The following PGCKA1 variants were observed in gnomAD, a reference collection of about 807,000 sequenced individuals.
PGCKA1 encodes the protein PDCD10 and GCKIII kinases associated 1.
At chr4:37,518,842 T>C in the PGCKA1 span, among the ~76,000 whole-genome samples, 30,992 of 152,164 alleles carry the variant, frequency 0.2, 3,908 homozygotes, top group African/African-American at 0.35. Flanking sequence ...AACATTTTTG[T>C]CCAGACCAAT....
chr4:37,510,636 CT>C, the PGCKA1 span, among the ~76,000 whole-genome samples: 17,921 of 152,030 alleles, frequency 0.12, 1,193 homozygotes, highest in East Asian at 0.33. Flanking sequence ...ACCACTACCA[CT>C]AGGACTGCAC....
chr4:37,537,085 T>A, the PGCKA1 span, among the ~76,000 whole-genome samples: 37 of 152,370 alleles, frequency 2.4e-4, no homozygotes, highest in African/African-American at 8.7e-4. Flanking sequence ...AATTGATTGC[T>A]TGACCTGTGC....
chr4:37,467,510 T>C, the PGCKA1 span, among the ~76,000 whole-genome samples: 1 of 152,196 alleles, frequency 6.6e-6, no homozygotes, highest in African/African-American at 2.4e-5. Context: ...ATCTTCTAGA[T>C]TGTTAGAGCC....
At chr4:37,531,321 G>A in the PGCKA1 span, among the ~76,000 whole-genome samples, 3 of 152,162 alleles carry the variant, frequency 2.0e-5, no homozygotes, top group Non-Finnish European at 1.5e-5. Context: ...GTTAGTACTC[G>A]CTGGAAACTT....
the PGCKA1 span, among the ~76,000 whole-genome samples, chr4:37,493,417 C>T: frequency 9.9e-5 from 15 of 152,226 alleles, no homozygotes; most frequent in East Asian, 1.9e-3. Flanking sequence ...TTTATGATCA[C>T]GTTAGGCTTA....
the PGCKA1 span, among the ~76,000 whole-genome samples, chr4:37,526,024 A>G: frequency 2.0e-5 from 3 of 152,200 alleles, no homozygotes; most frequent in African/African-American, 7.2e-5. Context: ...ATAAACAAAA[A>G]TCTACATTTG....
chr4:37,470,328 A>T, the PGCKA1 span, among the ~76,000 whole-genome samples: 2 of 152,206 alleles, frequency 1.3e-5, no homozygotes, highest in African/African-American at 4.8e-5. Flanking sequence ...TGTGTTTCTG[A>T]TAAAGGTACA....
the PGCKA1 span, among the ~76,000 whole-genome samples, chr4:37,455,327 A>G: frequency 1.3e-5 from 2 of 152,232 alleles, no homozygotes; most frequent in Non-Finnish European, 2.9e-5. Context: ...AACAAGGTAC[A>G]TAATTGAAAC....
chr4:37,509,674 T>C, the PGCKA1 span, among the ~76,000 whole-genome samples: 58 of 150,948 alleles, frequency 3.8e-4, 1 homozygote, highest in Non-Finnish European at 8.0e-4. Flanking sequence ...CTGGGCAACA[T>C]TGAGCACTGA....
the PGCKA1 span, among the ~76,000 whole-genome samples, chr4:37,548,554 GTC>G: frequency 6.6e-6 from 1 of 151,986 alleles, no homozygotes; most frequent in Non-Finnish European, 1.5e-5. Flanking sequence ...AAAAAAAAGA[GTC>G]TATAAAATCT....
the PGCKA1 span, among the ~76,000 whole-genome samples, chr4:37,463,810 CAA>C: frequency 3.9e-5 from 5 of 128,228 alleles, no homozygotes; most frequent in African/African-American, 5.7e-5. Context: ...TTTATATAAC[CAA>C]AAAAAAAAAA....
At chr4:37,503,909 T>A in the PGCKA1 span, among the ~76,000 whole-genome samples, 2 of 152,254 alleles carry the variant, frequency 1.3e-5, no homozygotes, top group Non-Finnish European at 2.9e-5. Flanking sequence ...GTGGGTTGTC[T>A]CTTCCCTTTG....
chr4:37,503,325 T>C, the PGCKA1 span, among the ~76,000 whole-genome samples: 1 of 152,198 alleles, frequency 6.6e-6, no homozygotes, highest in Non-Finnish European at 1.5e-5. Flanking sequence ...GGCTTCAGTG[T>C]CTTCCTTCCA....
the PGCKA1 span, among the ~76,000 whole-genome samples, chr4:37,573,837 G>A: frequency 1.3e-5 from 2 of 152,150 alleles, no homozygotes; most frequent in Non-Finnish European, 1.5e-5. Context: ...TCTCCTACCA[G>A]TAGTAAATGA....
the PGCKA1 span, among the ~76,000 whole-genome samples, chr4:37,589,117 A>T: frequency 6.6e-6 from 1 of 152,184 alleles, no homozygotes; most frequent in South Asian, 2.1e-4. Flanking sequence ...GCATGTTGGG[A>T]ACACCATCAT....
At chr4:37,518,389 C>A in the PGCKA1 span, among the ~76,000 whole-genome samples, 1 of 152,212 alleles carries the variant, frequency 6.6e-6, no homozygotes, top group South Asian at 2.1e-4. Flanking sequence ...TTCCCACCAA[C>A]AGTGTATGCA....
the PGCKA1 span, among the ~76,000 whole-genome samples, chr4:37,495,707 G>A: frequency 1.2e-4 from 18 of 152,076 alleles, no homozygotes; most frequent in Non-Finnish European, 2.2e-4. Context: ...CGGGCCTATC[G>A]GGGTTGGGGG....
chr4:37,588,952 G>T, the PGCKA1 span: 1 of 1,401,146 alleles, frequency 7.1e-7, no homozygotes, highest in South Asian at 1.2e-5. Flanking sequence ...ATGAGCGTGG[G>T]GTCACTTTTA....
the PGCKA1 span, among the ~76,000 whole-genome samples, chr4:37,575,320 GT>G: frequency 2.0e-5 from 3 of 152,126 alleles, no homozygotes; most frequent in Non-Finnish European, 4.4e-5. Context: ...TCTCATTGTA[GT>G]TTTGATGTGC....
Sources: allele counts gnomAD v4.1 joint callset (sites outside exome capture counted in the v4.1 genomes callset), GRCh38; gene constraint gnomAD v4.1.1; transcripts MANE v1.5; gene names NCBI Gene and HGNC (gene_info 2026-07-23, HGNC 2026-07-21).